Variants in IQCJ observed in about 807,000 individuals in gnomAD.
IQCJ encodes the protein IQ domain-containing protein J.
A neutral mutation model predicts 11.0 loss-of-function variants in IQCJ; 9 were observed. The observed-to-expected ratio is 0.82, with a 90% confidence interval of 0.49 to 1.43. IQCJ has a LOEUF of 1.43. IQCJ is among the 40% of genes most tolerant of loss of function. The pLI is 0.00. For missense variants in IQCJ, 146 were observed against 133.2 expected (o/e 1.10, Z -0.47); for synonymous variants, 55 against 51.3 (o/e 1.07, Z -0.31).
chr3:159,228,004 G>T (rs1192359773), intron 1 of IQCJ, among the ~76,000 whole-genome samples: 1 of 152,146 alleles, frequency 6.6e-6, no homozygotes, highest in African/African-American at 2.4e-5. Context: ...TGCACTGCAG[G>T]GTTAGCACCA....
chr3:159,230,948 T>A (rs1726212918), intron 1 of IQCJ, among the ~76,000 whole-genome samples: 1 of 152,146 alleles, frequency 6.6e-6, no homozygotes, highest in Non-Finnish European at 1.5e-5. Flanking sequence ...CTATTTTAGC[T>A]CTAAAATTAA....
chr3:159,148,546 C>T (rs868232658), intron 1 of IQCJ, among the ~76,000 whole-genome samples: 2 of 152,172 alleles, frequency 1.3e-5, no homozygotes, highest in African/African-American at 4.8e-5. Context: ...CTCATTTTAT[C>T]TGATAGCTCC....
At chr3:159,245,937 T>C in intron 2 of IQCJ, 30 bp downstream of exon 2, 1 of 1,480,524 alleles carries the variant, frequency 6.8e-7, no homozygotes, top group Non-Finnish European at 9.2e-7. Context: ...TTAAATCATC[T>C]GCAAGGTTGG....
rs567298274 is a variant in IQCJ at position 159,089,542 on chromosome 3, C to A, written c.9+20101C>A. Among the ~76,000 whole-genome samples the A allele has an allele frequency of 3.7e-4, 56 of 152,020 alleles. 1 individual carries two copies. The highest frequency in any genetic ancestry group is 1.2e-3 in the African/African-American group (51 of 41,260). ...TCCAGCTTGGTTCCATTCTCCCCGT[C>A]ACTTTCAGGTACACCAATCAGATGA... On this transcript the variant is annotated intron_variant, in intron 1 of 3. Transcript: ENST00000397832.
At chr3:159,126,322 A>T (rs1002396551) in intron 1 of IQCJ, among the ~76,000 whole-genome samples, 1 of 152,242 alleles carries the variant, frequency 6.6e-6, no homozygotes, top group Non-Finnish European at 1.5e-5. Context: ...GTGAAGAACA[A>T]CAGAGAAAGG....
chr3:159,119,891 T>G (rs1719254172), intron 1 of IQCJ, among the ~76,000 whole-genome samples: 1 of 152,188 alleles, frequency 6.6e-6, no homozygotes, highest in Admixed American at 6.5e-5. Context: ...GTATTCACCT[T>G]ATATGGAAAT....
At chr3:159,224,087 A>G (rs1725702329) in intron 1 of IQCJ, among the ~76,000 whole-genome samples, 1 of 151,444 alleles carries the variant, frequency 6.6e-6, no homozygotes, top group African/African-American at 2.4e-5. Context: ...AAAAAACAAG[A>G]CTTAAAGAAA....
chr3:159,171,018 AG>A (rs1722456091), intron 1 of IQCJ, among the ~76,000 whole-genome samples: 2 of 152,136 alleles, frequency 1.3e-5, no homozygotes, highest in African/African-American at 4.8e-5. Flanking sequence ...TTTATAAGCT[AG>A]TAATTTAGTA....
chr3:159,167,714 A>G (rs905368090), intron 1 of IQCJ, among the ~76,000 whole-genome samples: 9 of 152,232 alleles, frequency 5.9e-5, no homozygotes, highest in Middle Eastern at 3.2e-3. Flanking sequence ...GTGTTACAGA[A>G]GGAAGCAAAA....
chr3:159,087,876 G>A (rs1218839570), intron 1 of IQCJ, among the ~76,000 whole-genome samples: 2 of 150,068 alleles, frequency 1.3e-5, no homozygotes, highest in Non-Finnish European at 3.0e-5. Flanking sequence ...CCAGCTCCTG[G>A]ATTCATTAAT....
intron 1 of IQCJ, among the ~76,000 whole-genome samples, chr3:159,145,699 C>T (rs1309338308): frequency 6.6e-6 from 1 of 151,900 alleles, no homozygotes; most frequent in East Asian, 1.9e-4. Flanking sequence ...TCTGTCCATT[C>T]TTCCATTCAA....
chr3:159,236,771 T>C (rs767379997), intron 1 of IQCJ, among the ~76,000 whole-genome samples: 1 of 152,194 alleles, frequency 6.6e-6, no homozygotes, highest in Non-Finnish European at 1.5e-5. Flanking sequence ...AAAATTACTA[T>C]AGATTTTATG....
intron 1 of IQCJ, among the ~76,000 whole-genome samples, chr3:159,072,086 G>C (rs549069229): frequency 5.3e-4 from 81 of 152,242 alleles, no homozygotes; most frequent in Middle Eastern, 6.8e-3. Context: ...AAGGAGGGAA[G>C]CTCCTGTTTA....
intron 1 of IQCJ, among the ~76,000 whole-genome samples, chr3:159,240,162 G>GAGTA (rs1487773341): frequency 6.6e-6 from 1 of 152,130 alleles, no homozygotes; most frequent in African/African-American, 2.4e-5. Context: ...TAGGACTAAA[G>GAGTA]AGTAAGTTTT....
At chr3:159,234,508 A>G (rs1036647487) in intron 1 of IQCJ, among the ~76,000 whole-genome samples, 32 of 152,264 alleles carry the variant, frequency 2.1e-4, no homozygotes, top group African/African-American at 7.7e-4. Flanking sequence ...AGAAGAGTTA[A>G]ATTATTGGAG....
At chr3:159,177,475 G>A (rs113341482) in intron 1 of IQCJ, among the ~76,000 whole-genome samples, 20 of 152,164 alleles carry the variant, frequency 1.3e-4, no homozygotes, top group African/African-American at 4.6e-4. Flanking sequence ...AAGAAACAAA[G>A]TTAAAAAGTT....
At chr3:159,222,388 A>C (rs1472240529) in intron 1 of IQCJ, among the ~76,000 whole-genome samples, 1 of 152,198 alleles carries the variant, frequency 6.6e-6, no homozygotes, top group Non-Finnish European at 1.5e-5. Flanking sequence ...CTATGGATGA[A>C]CCTGGAGGAT....
intron 1 of IQCJ, among the ~76,000 whole-genome samples, chr3:159,122,684 A>G (rs1719445193): frequency 6.6e-6 from 1 of 152,228 alleles, no homozygotes; most frequent in Non-Finnish European, 1.5e-5. Flanking sequence ...ATACGTGAAT[A>G]AAGTGAAAAT....
intron 1 of IQCJ, among the ~76,000 whole-genome samples, chr3:159,214,274 T>C (rs967392194): frequency 2.6e-5 from 4 of 152,198 alleles, no homozygotes; most frequent in Admixed American, 1.3e-4. Context: ...TTGAGAATTA[T>C]TATAGACAAC....
Sources: allele counts gnomAD v4.1 joint callset (sites outside exome capture counted in the v4.1 genomes callset), GRCh38; gene constraint gnomAD v4.1.1; transcripts MANE v1.5; gene names NCBI Gene and HGNC (gene_info 2026-07-23, HGNC 2026-07-21).